TRPS1: variants seen among roughly 807,000 people sequenced by gnomAD.
TRPS1 encodes the protein transcriptional repressor GATA binding 1.
A neutral mutation model predicts 101.2 loss-of-function variants in TRPS1; 6 were observed. The ratio of observed to expected loss-of-function variants is 0.06; its 90% CI spans 0.03 to 0.12. The LOEUF is 0.12. Ranked by LOEUF, TRPS1 falls within the 10% of genes least tolerant of loss-of-function variation. The pLI is 1.00. For missense variants in TRPS1, 1,363 were observed against 1,567.0 expected (o/e 0.87, Z 2.20); for synonymous variants, 578 against 589.8 (o/e 0.98, Z 0.29).
chr8:115,562,266 T>C (rs1563604992), intron 5 of TRPS1, among the ~76,000 whole-genome samples: 1 of 152,138 alleles, frequency 6.6e-6, no homozygotes, highest in Non-Finnish European at 1.5e-5. Flanking sequence ...ATTCCCTTTA[T>C]TTTGAAGCTT....
At chr8:115,637,794 A>T (rs1361677780) in intron 1 of TRPS1, among the ~76,000 whole-genome samples, 1 of 152,180 alleles carries the variant, frequency 6.6e-6, no homozygotes, top group Non-Finnish European at 1.5e-5. Flanking sequence ...AGCTTCATGA[A>T]ACTTATTGAA....
intron 5 of TRPS1, among the ~76,000 whole-genome samples, chr8:115,429,537 G>T (rs1586265267): frequency 6.6e-6 from 1 of 152,108 alleles, no homozygotes; most frequent in African/African-American, 2.4e-5. Context: ...CTACCTCATC[G>T]CATCAAGCAT....
chr8:115,521,506 T>C (rs2130230102), intron 5 of TRPS1, among the ~76,000 whole-genome samples: 2 of 152,052 alleles, frequency 1.3e-5, no homozygotes, highest in Middle Eastern at 3.4e-3. Context: ...GTTTATTTAA[T>C]TTAGAAAGGA....
At chr8:115,419,590 C>T (rs990805022) in intron 5 of TRPS1, among the ~76,000 whole-genome samples, 1 of 152,122 alleles carries the variant, frequency 6.6e-6, no homozygotes, top group African/African-American at 2.4e-5. Context: ...CAAGTCCATA[C>T]TGTAGAAGAG....
rs1818332519 is a variant in TRPS1 at position 115,619,248 on chromosome 8, C to A, written c.850G>T (p.Val284Leu). 7 of 1,613,896 alleles carry A rather than the reference C, an allele frequency of 4.3e-6. No individual in the cohort carries two copies. The highest frequency in any genetic ancestry group is 5.9e-6 in the Non-Finnish European group (7 of 1,179,928). The change falls in exon 3 of 7, where the codon GTG becomes TTG. Residue 284 changes from valine (V) to leucine (L), a missense_variant. Transcript: ENST00000395715. ...DSKILALHNM[V>L]QFSHSKDFQK... ...AAGTCTTTGGAATGGCTGAACTGCA[C>A]CATGTTATGAAGGGCCAAGATTTTG...
chr8:115,489,173 C>T (rs972430105), intron 5 of TRPS1, among the ~76,000 whole-genome samples: 2 of 152,164 alleles, frequency 1.3e-5, no homozygotes, highest in African/African-American at 2.4e-5. Flanking sequence ...TACACTTTCA[C>T]TTAGAAACAT....
chr8:115,631,979 T>C (rs1818656823), intron 1 of TRPS1, among the ~76,000 whole-genome samples: 1 of 152,034 alleles, frequency 6.6e-6, no homozygotes, highest in Admixed American at 6.6e-5. Context: ...ATCACAGCCA[T>C]GTTGGTTTGA....
intron 5 of TRPS1, among the ~76,000 whole-genome samples, chr8:115,422,427 C>T (rs575790627): frequency 2.6e-5 from 4 of 151,204 alleles, no homozygotes; most frequent in Non-Finnish European, 4.4e-5. Context: ...AGGGCAGTGG[C>T]GCGATCTCGG....
At chr8:115,630,952 T>C (rs1586475799) in intron 1 of TRPS1, among the ~76,000 whole-genome samples, 1 of 152,076 alleles carries the variant, frequency 6.6e-6, no homozygotes, top group East Asian at 1.9e-4. Context: ...AGACGCCATG[T>C]TACAAAGGCT....
intron 5 of TRPS1, among the ~76,000 whole-genome samples, chr8:115,543,141 T>C (rs901274260): frequency 6.6e-6 from 1 of 152,094 alleles, no homozygotes; most frequent in East Asian, 1.9e-4. Flanking sequence ...CACCACCACT[T>C]GAAACACAAA....
chr8:115,535,752 T>C (rs1416146476), intron 5 of TRPS1, among the ~76,000 whole-genome samples: 2 of 151,108 alleles, frequency 1.3e-5, no homozygotes, highest in African/African-American at 2.4e-5. Context: ...TATATATACA[T>C]GTATATGTGT....
chr8:115,474,378 G>GGGAT (rs10641080), intron 5 of TRPS1, among the ~76,000 whole-genome samples: 3,741 of 151,958 alleles, frequency 0.025, 139 homozygotes, highest in African/African-American at 0.084. Flanking sequence ...AAAATTCTCT[G>GGGAT]GGATGGATGG....
chr8:115,569,144 A>G (rs1279804907), intron 5 of TRPS1, among the ~76,000 whole-genome samples: 1 of 152,146 alleles, frequency 6.6e-6, no homozygotes, highest in East Asian at 1.9e-4. Context: ...AAGATTACAG[A>G]AAAAGACTTT....
chr8:115,437,231 G>A (rs1025501498), intron 5 of TRPS1, among the ~76,000 whole-genome samples: 3 of 152,204 alleles, frequency 2.0e-5, no homozygotes, highest in African/African-American at 7.2e-5. Flanking sequence ...TCACTATACT[G>A]CTGAAGAGTC....
rs764641648 is a variant in TRPS1, at chr8:115,604,790, G to A, written c.1179C>T (p.Asn393=). 4.0e-5 allele frequency: 65 copies of A among 1,613,914 alleles called. No homozygotes were observed. The highest frequency in any genetic ancestry group is 5.2e-5 in the Non-Finnish European group (61 of 1,179,986). The part of the protein sequence containing the change: ...EVAKPSEKNS[N]KSIPALQSSD... ...TGGATTGAAGTGCAGGGATGGACTTGTTAGAGTTTTTCTCTGAAGGTTTTG... is the reference window on the plus strand; with the variant it reads ...TGGATTGAAGTGCAGGGATGGACTTATTAGAGTTTTTCTCTGAAGGTTTTG... Residue 393 remains asparagine, a synonymous_variant, in exon 4 of 7, where the codon AAC becomes AAT. Transcript: ENST00000395715. The surrounding 1 kb of genome is among the most constrained non-coding windows in gnomAD (Gnocchi z 4.1).
intron 5 of TRPS1, among the ~76,000 whole-genome samples, chr8:115,438,035 A>T (rs1813499419): frequency 6.6e-6 from 1 of 152,186 alleles, no homozygotes; most frequent in Non-Finnish European, 1.5e-5. Context: ...TTCTACATTT[A>T]AATGAAAGCA....
intron 1 of TRPS1, among the ~76,000 whole-genome samples, chr8:115,662,969 G>A (rs1811840378): frequency 6.6e-6 from 1 of 151,926 alleles, no homozygotes; most frequent in South Asian, 2.1e-4. Flanking sequence ...TGTGGCCATT[G>A]ATAACCTTAA....
At chr8:115,571,257 C>T (rs1369238482) in intron 5 of TRPS1, among the ~76,000 whole-genome samples, 1 of 152,154 alleles carries the variant, frequency 6.6e-6, no homozygotes, top group African/African-American at 2.4e-5. Context: ...AATACATCTT[C>T]AGACAATTTT....
At position 115,587,707 on chromosome 8, in the gene TRPS1, T is replaced by C. The variant is rs1033442838; in HGVS notation, c.2097-103A>G. 3 of 1,568,032 alleles carry C rather than the reference T, an allele frequency of 1.9e-6. No homozygotes were observed. In the African/African-American group the frequency reaches 4.0e-5, roughly 21 times the overall value. ...GAATTTTCTACCTACTCATGCAATA[T>C]AGTAGGTAGAAAGAAATGCAATATT... is the stretch of plus-strand genomic sequence containing the variant. On this transcript the variant is annotated intron_variant, in intron 4 of 6. Transcript: ENST00000395715.
Sources: allele counts gnomAD v4.1 joint callset (sites outside exome capture counted in the v4.1 genomes callset), GRCh38; gene constraint gnomAD v4.1.1; non-coding constraint Gnocchi (gnomAD v3.1); transcripts MANE v1.5; gene names NCBI Gene and HGNC (gene_info 2026-07-23, HGNC 2026-07-21).